Variants in ME3 observed in about 807,000 individuals in gnomAD.
ME3 encodes NADP-dependent malic enzyme, mitochondrial.
Under a neutral mutation model 68.9 loss-of-function variants are expected in ME3, and 48 were observed. That is an observed-to-expected ratio of 0.70 (90% CI 0.55 to 0.89). The LOEUF (loss-of-function observed/expected upper bound fraction) is 0.89, where lower values mean the gene tolerates loss of function less well. Ranked by LOEUF, ME3 falls within the 40% of genes least tolerant of loss-of-function variation. ME3 has a pLI of 0.00. For synonymous variants in ME3, 320 were observed against 318.8 expected, an observed-to-expected ratio of 1.00 and a Z score of -0.04; for missense variants, 675 against 797.4, an observed-to-expected ratio of 0.85 and a Z score of 1.85.
chr11:86,613,666 A>T (rs1003861489), intron 2 of ME3, among the ~76,000 whole-genome samples: 1 of 152,184 alleles, frequency 6.6e-6, no homozygotes, highest in Non-Finnish European at 1.5e-5. Context: ...CCATTTCTTT[A>T]CACCAACAAT....
chr11:86,477,376 C>T (rs540775434), intron 7 of ME3, among the ~76,000 whole-genome samples: 58 of 152,044 alleles, frequency 3.8e-4, no homozygotes, highest in Admixed American at 7.8e-4. Context: ...GTACCTAACT[C>T]ATACAGTTGT....
chr11:86,526,924 G>A (rs867929745), intron 4 of ME3, among the ~76,000 whole-genome samples: 1 of 152,212 alleles, frequency 6.6e-6, no homozygotes, highest in African/African-American at 2.4e-5. Flanking sequence ...AAAAAACAGA[G>A]CAGAAAAACT....
At chr11:86,467,693 T>TCACACA (rs368384131) in intron 7 of ME3, among the ~76,000 whole-genome samples, 1 of 143,228 alleles carries the variant, frequency 7.0e-6, no homozygotes, top group African/African-American at 2.7e-5. Context: ...TCTCTCTCTC[T>TCACACA]CACACACACA....
intron 8 of ME3, chr11:86,457,648 A>C (rs1950011620): frequency 7.8e-7 from 1 of 1,283,304 alleles, no homozygotes; most frequent in Non-Finnish European, 1.0e-6. Flanking sequence ...AAAGGAAGCT[A>C]CTTAGCTGTT....
intron 2 of ME3, among the ~76,000 whole-genome samples, chr11:86,651,021 C>A (rs1945378158): frequency 6.6e-6 from 1 of 152,258 alleles, no homozygotes; most frequent in Admixed American, 6.5e-5. Context: ...TGCAATCAAA[C>A]TGCAAGGTGG....
chr11:86,569,567 G>C (rs997604225), intron 2 of ME3, among the ~76,000 whole-genome samples: 10 of 152,146 alleles, frequency 6.6e-5, no homozygotes, highest in Admixed American at 6.5e-4. Flanking sequence ...AACTCAGGGT[G>C]GTGGGGAGGT....
chr11:86,469,031 TC>T (rs906980470), intron 7 of ME3, among the ~76,000 whole-genome samples: 4 of 152,148 alleles, frequency 2.6e-5, no homozygotes, highest in Non-Finnish European at 5.9e-5. Flanking sequence ...AGAACCAGCT[TC>T]AGTTTAATTT....
chr11:86,471,051 C>T (rs1017402601), intron 7 of ME3, among the ~76,000 whole-genome samples: 2 of 151,884 alleles, frequency 1.3e-5, no homozygotes, highest in Non-Finnish European at 2.9e-5. Context: ...TTTGCACGGT[C>T]CCCTGTCTTT....
rs553621540 is a variant in ME3 at position 86,621,019 on chromosome 11, G to A, written c.183+50743C>T. 1.3e-4 allele frequency among the ~76,000 whole-genome samples: 20 copies of A among 152,194 alleles called. No individual in the cohort carries two copies. The South Asian group carries it at 3.9e-3, about 30-fold the overall frequency. Reference sequence around the variant, plus strand: ...CCTGACCGGGCCTCCACCAAAGTAAGGTCTGGGTTGGGATCCAAGGGACAA... The same window carrying A: ...CCTGACCGGGCCTCCACCAAAGTAAAGTCTGGGTTGGGATCCAAGGGACAA... On this transcript the variant is annotated intron_variant, in intron 2 of 14. Transcript: ENST00000543262.
intron 4 of ME3, among the ~76,000 whole-genome samples, chr11:86,537,413 A>G (rs746743998): frequency 1.3e-5 from 2 of 152,080 alleles, no homozygotes; most frequent in African/African-American, 4.8e-5. Flanking sequence ...ACTGTGCACA[A>G]TGGAGAGGAG....
chr11:86,598,510 C>T (rs1314333954), intron 2 of ME3, among the ~76,000 whole-genome samples: 1 of 152,252 alleles, frequency 6.6e-6, no homozygotes, highest in African/African-American at 2.4e-5. Context: ...TAGACTCCAC[C>T]TCTGGGGGCA....
chr11:86,669,294 T>TATATAAAAG (rs1946769328), intron 2 of ME3, among the ~76,000 whole-genome samples: 1 of 152,120 alleles, frequency 6.6e-6, no homozygotes. Flanking sequence ...ACTTCAGGAA[T>TATATAAAAG]ATATAAAAGA....
chr11:86,438,831 A>G (rs1267414326), downstream of ME3, among the ~76,000 whole-genome samples: 3 of 152,134 alleles, frequency 2.0e-5, no homozygotes, highest in Non-Finnish European at 4.4e-5. Flanking sequence ...GAGAAACAGA[A>G]CCAATAAGAT....
intron 2 of ME3, among the ~76,000 whole-genome samples, chr11:86,626,736 T>C (rs961186883): frequency 1.3e-5 from 2 of 152,198 alleles, no homozygotes; most frequent in African/African-American, 4.8e-5. Context: ...TAAAAACCAT[T>C]CTTAGCTCAC....
chr11:86,573,564 T>C (rs10792858), intron 2 of ME3, among the ~76,000 whole-genome samples: 36,844 of 151,670 alleles, frequency 0.24, 5,002 homozygotes, highest in East Asian at 0.53. Context: ...TATAGAGTCA[T>C]GTCATCTGCA....
intron 4 of ME3, among the ~76,000 whole-genome samples, chr11:86,509,758 A>G (rs1338062485): frequency 2.3e-4 from 1 of 4,354 alleles, no homozygotes. Flanking sequence ...GGGATTGGCA[A>G]AAAAAAAAAA....
intron 2 of ME3, among the ~76,000 whole-genome samples, chr11:86,640,081 C>T (rs1462498106): frequency 3.9e-5 from 6 of 152,212 alleles, no homozygotes; most frequent in Non-Finnish European, 7.3e-5. Flanking sequence ...CAGCTTCTAC[C>T]ATTCTCCTAT....
intron 2 of ME3, 40 bp downstream of exon 2, chr11:86,671,722 G>T: frequency 1.3e-6 from 2 of 1,589,524 alleles, no homozygotes; most frequent in South Asian, 1.1e-5. Context: ...CGGCAGCCAC[G>T]GGATCGCAAC....
intron 4 of ME3, among the ~76,000 whole-genome samples, chr11:86,542,340 G>A (rs565840358): frequency 7.9e-5 from 12 of 152,200 alleles, no homozygotes; most frequent in Admixed American, 6.5e-4. Context: ...TCAGAAGGTG[G>A]GTAATAACAA....
Sources: allele counts gnomAD v4.1 joint callset (sites outside exome capture counted in the v4.1 genomes callset), GRCh38; gene constraint gnomAD v4.1.1; transcripts MANE v1.5; gene names NCBI Gene and HGNC (gene_info 2026-07-23, HGNC 2026-07-21).